The following RBFOX1 variants were observed in gnomAD, a reference collection of about 807,000 sequenced individuals.
RBFOX1 encodes the protein RNA binding fox-1 homolog 1.
A neutral mutation model predicts 57.7 loss-of-function variants in RBFOX1; 8 were observed. That is an observed-to-expected ratio of 0.14 (90% CI 0.08 to 0.25). The LOEUF is 0.25. Among genes scored for constraint, RBFOX1 ranks in the 10% least tolerant of loss-of-function variants. The probability of loss-of-function intolerance (pLI) is 1.00; values close to 1 mark genes in which losing one functional copy is unlikely to be tolerated. For missense variants in RBFOX1, 611 were observed against 548.5 expected (o/e 1.11, Z -1.14); for synonymous variants, 326 against 222.4 (o/e 1.47, Z -4.15).
chr16:5,819,616 G>C (rs7200468), intron 3 of RBFOX1, among the ~76,000 whole-genome samples: 109,309 of 152,128 alleles, frequency 0.72, 39,508 homozygotes, highest in African/African-American at 0.8. Flanking sequence ...GACTTACGTT[G>C]TACTGACGCT....
intron 5 of RBFOX1, among the ~76,000 whole-genome samples, chr16:7,541,174 A>G (rs2082820790): frequency 6.6e-6 from 1 of 152,240 alleles, no homozygotes; most frequent in African/African-American, 2.4e-5. Context: ...ATTACTCAGA[A>G]TACATATTTA....
At chr16:7,699,404 C>T (rs908667181) in intron 14 of RBFOX1, among the ~76,000 whole-genome samples, 4 of 152,138 alleles carry the variant, frequency 2.6e-5, no homozygotes, top group African/African-American at 9.7e-5. Context: ...ATTGCCCAGG[C>T]TGATCTCAAA....
intron 2 of RBFOX1, among the ~76,000 whole-genome samples, chr16:6,516,114 C>T (rs566678908): frequency 5.4e-4 from 82 of 152,170 alleles, no homozygotes; most frequent in Non-Finnish European, 7.1e-4. Flanking sequence ...CTGTAACTTC[C>T]GCCGCCCAGG....
intron 3 of RBFOX1, among the ~76,000 whole-genome samples, chr16:6,868,525 G>A (rs1337882545): frequency 1.3e-5 from 2 of 152,074 alleles, no homozygotes; most frequent in African/African-American, 4.8e-5. Flanking sequence ...AGGCTGGAGT[G>A]CGGTAGTATG....
chr16:7,071,411 C>T (rs549947631), intron 4 of RBFOX1, among the ~76,000 whole-genome samples: 2 of 152,158 alleles, frequency 1.3e-5, no homozygotes, highest in Admixed American at 6.5e-5. Context: ...CCCCTCCTAG[C>T]CTCCTAGCTG....
intron 4 of RBFOX1, among the ~76,000 whole-genome samples, chr16:7,364,681 C>G (rs936700403): frequency 1.3e-5 from 2 of 151,952 alleles, no homozygotes; most frequent in African/African-American, 2.4e-5. Context: ...CTGAATGATC[C>G]TCTAGTCACT....
intron 3 of RBFOX1, among the ~76,000 whole-genome samples, chr16:6,891,076 T>G (rs759999494): frequency 6.6e-6 from 1 of 152,220 alleles, no homozygotes; most frequent in Non-Finnish European, 1.5e-5. Flanking sequence ...CACAATTGTT[T>G]GTTGACACCA....
chr16:6,398,302 T>C (rs1214192072), intron 2 of RBFOX1, among the ~76,000 whole-genome samples: 1 of 152,152 alleles, frequency 6.6e-6, no homozygotes, highest in Non-Finnish European at 1.5e-5. Context: ...ATCATTCTGC[T>C]CCTGGTCCTT....
intron 3 of RBFOX1, among the ~76,000 whole-genome samples, chr16:6,656,874 A>ACTCCTCTCCT (rs1316067107): frequency 0.012 from 1,580 of 134,986 alleles, 128 homozygotes; most frequent in Admixed American, 0.038. Context: ...AAACAAGGTA[A>ACTCCTCTCCT]CTCCTCTCCT....
chr16:7,039,247 C>G (rs1025146038), intron 3 of RBFOX1, among the ~76,000 whole-genome samples: 1 of 152,164 alleles, frequency 6.6e-6, no homozygotes, highest in Non-Finnish European at 1.5e-5. Flanking sequence ...AACAACAAAT[C>G]CATTATTATT....
intron 3 of RBFOX1, among the ~76,000 whole-genome samples, chr16:6,963,251 A>C (rs2083395845): frequency 6.6e-6 from 1 of 152,078 alleles, no homozygotes; most frequent in Non-Finnish European, 1.5e-5. Context: ...TTGTGTTGGC[A>C]AAAAGCTAGC....
At chr16:7,700,102 C>T (rs2080174542) in intron 14 of RBFOX1, among the ~76,000 whole-genome samples, 1 of 152,080 alleles carries the variant, frequency 6.6e-6, no homozygotes, top group South Asian at 2.1e-4. Context: ...GATCTGCTTG[C>T]TTTGAGGATG....
rs11865660 is a variant in RBFOX1, at chr16:5,699,872, C to T, written c.318+100911C>T. Among the ~76,000 whole-genome samples the T allele has an allele frequency of 9.1e-3, 1,392 of 152,252 alleles. 28 individuals are homozygous for T. Among genetic ancestry groups the T allele is most frequent in the African/African-American group, 0.032 (1,330 of 41,546 alleles). ...TTTTTAAGACGGAGTCTTGCTCTGT[C>T]GCCCAGGCTGGAGTGCAGTGGTGCG... On this transcript the variant is annotated intron_variant, in intron 3 of 19. Transcript: ENST00000641259.
chr16:5,798,882 G>T (rs529765708), intron 3 of RBFOX1, among the ~76,000 whole-genome samples: 1 of 151,942 alleles, frequency 6.6e-6, no homozygotes, highest in African/African-American at 2.4e-5. Flanking sequence ...CAGAGGTACG[G>T]ACTACTTGCT....
intron 3 of RBFOX1, among the ~76,000 whole-genome samples, chr16:5,642,864 C>T (rs190288313): frequency 2.0e-5 from 3 of 152,198 alleles, no homozygotes; most frequent in Non-Finnish European, 2.9e-5. Context: ...ACTCTGTGGC[C>T]CCTAGAGTGA....
chr16:6,965,657 A>C (rs1312401844), intron 3 of RBFOX1, among the ~76,000 whole-genome samples: 2 of 152,192 alleles, frequency 1.3e-5, no homozygotes, highest in African/African-American at 4.8e-5. Context: ...GTTTTCACTG[A>C]GTTCTGGAAA....
At chr16:6,863,988 CCTT>C (rs2059471131) in intron 3 of RBFOX1, among the ~76,000 whole-genome samples, 1 of 96,558 alleles carries the variant, frequency 1.0e-5, no homozygotes, top group African/African-American at 4.3e-5. Flanking sequence ...TCTTTATGTT[CCTT>C]TTTTTTTTTT....
chr16:6,105,569 C>T (rs1246441492), intron 1 of RBFOX1, among the ~76,000 whole-genome samples: 1 of 151,994 alleles, frequency 6.6e-6, no homozygotes, highest in Non-Finnish European at 1.5e-5. Flanking sequence ...CCAAATGTCT[C>T]CTAAACTTCT....
At chr16:7,555,775 A>C (rs528395270) in intron 5 of RBFOX1, among the ~76,000 whole-genome samples, 1 of 152,064 alleles carries the variant, frequency 6.6e-6, no homozygotes. Flanking sequence ...TTGTGATTCA[A>C]ATGTCACCTT....
Sources: allele counts gnomAD v4.1 joint callset (sites outside exome capture counted in the v4.1 genomes callset), GRCh38; gene constraint gnomAD v4.1.1; transcripts MANE v1.5; gene names NCBI Gene and HGNC (gene_info 2026-07-23, HGNC 2026-07-21).